Variants in DNM3 observed in about 807,000 individuals in gnomAD.
DNM3 encodes dynamin-3.
A neutral mutation model predicts 101.6 loss-of-function variants in DNM3; 47 were observed. That is an observed-to-expected ratio of 0.46 (90% CI 0.37 to 0.59). The LOEUF (loss-of-function observed/expected upper bound fraction) is 0.59, where lower values mean the gene tolerates loss of function less well. Among genes scored for constraint, DNM3 ranks in the 20% least tolerant of loss-of-function variants. The pLI, the probability that DNM3 is intolerant of heterozygous loss-of-function variation, is 0.00. For missense variants in DNM3, 849 were observed against 1,085.7 expected (o/e 0.78, Z 3.06); for synonymous variants, 385 against 387.9 (o/e 0.99, Z 0.09).
chr1:172,330,699 A>G (rs2148932332), intron 17 of DNM3, among the ~76,000 whole-genome samples: 1 of 152,316 alleles, frequency 6.6e-6, no homozygotes, highest in Admixed American at 6.5e-5. Flanking sequence ...TACACAAAAA[A>G]ATGAAGAGGA....
chr1:172,207,462 A>C (rs2060363192), intron 14 of DNM3, among the ~76,000 whole-genome samples: 1 of 152,000 alleles, frequency 6.6e-6, no homozygotes, highest in Non-Finnish European at 1.5e-5. Context: ...TTTATTTCTT[A>C]TTTTTGTTCT....
intron 2 of DNM3, among the ~76,000 whole-genome samples, chr1:171,942,291 T>C (rs1421017173): frequency 6.7e-6 from 1 of 149,794 alleles, no homozygotes. Context: ...CTCTCTGAGA[T>C]ACTGGCACAG....
intron 11 of DNM3, among the ~76,000 whole-genome samples, chr1:172,070,387 A>G (rs1287241310): frequency 2.6e-5 from 4 of 152,244 alleles, no homozygotes; most frequent in African/African-American, 9.6e-5. Context: ...CCTGACCTTA[A>G]GTAAATAAGC....
chr1:171,967,661 A>G (rs2125531499), intron 2 of DNM3, among the ~76,000 whole-genome samples: 1 of 152,344 alleles, frequency 6.6e-6, no homozygotes, highest in South Asian at 2.1e-4. Context: ...GGGAATCGTC[A>G]CCAAGTCACT....
chr1:171,959,539 A>G (rs1480108393), intron 2 of DNM3, among the ~76,000 whole-genome samples: 1 of 152,196 alleles, frequency 6.6e-6, no homozygotes, highest in Non-Finnish European at 1.5e-5. Flanking sequence ...GCAGATTTGT[A>G]AGTCATAAAT....
At position 172,103,867 on chromosome 1, in the gene DNM3, G is replaced by C. The variant is rs185510138; in HGVS notation, c.1545+10992G>C. 3.2e-4 allele frequency among the ~76,000 whole-genome samples: 49 copies of C among 152,274 alleles called. No individual in the cohort carries two copies. In the East Asian group the frequency reaches 8.9e-3, roughly 28 times the overall value. On this transcript the variant is annotated intron_variant, in intron 13 of 20. Coordinates refer to ENST00000627582, the MANE Select transcript of DNM3 (RefSeq NM_015569.5). ...AATACAAAAATTAGCTGGGCGTGGT[G>C]GTGCATGCCTGTAATTTCAGCTACT...
At chr1:172,292,486 AAAATAGAAC>A (rs923852986) in intron 15 of DNM3, among the ~76,000 whole-genome samples, 17 of 152,278 alleles carry the variant, frequency 1.1e-4, no homozygotes, top group African/African-American at 3.6e-4. Context: ...AAATCCTTTT[AAAATAGAAC>A]AAATGCATAG....
At chr1:172,381,427 G>C (rs975907353) in intron 18 of DNM3, among the ~76,000 whole-genome samples, 32 of 151,674 alleles carry the variant, frequency 2.1e-4, no homozygotes, top group Non-Finnish European at 4.4e-4. Context: ...TATCTAGAAT[G>C]ACTGCTTTTC....
rs551030808 is a variant in DNM3 at position 171,935,769 on chromosome 1, C to CTTTTTTTTT, written c.235+13967_235+13975dup. ...AATTGGCAAATACTACAAATCAAAA[C>CTTTTTTTTT]TTTTTTTTTTTTTTTTTTTTTTTTT... On this transcript the variant is annotated intron_variant, in intron 2 of 20. Transcript: ENST00000627582. Among the ~76,000 whole-genome samples the CTTTTTTTTT allele has an allele frequency of 1.5e-4, 7 of 48,018 alleles. 1 individual carries two copies. Among genetic ancestry groups the CTTTTTTTTT allele is most frequent in the Non-Finnish European group, 1.9e-4 (5 of 25,742 alleles). 31.5% of individuals were successfully genotyped at this position (48,018 alleles called of 152,430 possible). A position where few individuals can be genotyped will look rare whatever the true frequency, so the allele number is the denominator to read the frequency against.
chr1:172,129,372 T>G (rs763714832), intron 13 of DNM3, among the ~76,000 whole-genome samples: 20 of 152,180 alleles, frequency 1.3e-4, no homozygotes, highest in Admixed American at 2.6e-4. Flanking sequence ...TCATTTGGAA[T>G]GGTAGGTGGC....
At chr1:172,139,575 T>C (rs2057453042) in intron 14 of DNM3, 1 of 152,344 alleles carries the variant, frequency 6.6e-6, no homozygotes, top group Non-Finnish European at 1.5e-5. Flanking sequence ...GGATGTGAAA[T>C]CAAATTAAAG....
chr1:171,841,879 GA>G, intron 1 of DNM3, 62 bp downstream of exon 1: 1 of 1,484,576 alleles, frequency 6.7e-7, no homozygotes, highest in Non-Finnish European at 9.0e-7. Flanking sequence ...CGGGCCGTTG[GA>G]ACGTGGACGG....
At position 172,304,222 on chromosome 1, in the gene DNM3, A is replaced by AAAAAAAAAAAAAC. The variant is rs745651671; in HGVS notation, c.1770-4506_1770-4505insAAAAAAAAAAAAC. Among the ~76,000 whole-genome samples, 7 of 129,002 alleles carry AAAAAAAAAAAAAC rather than the reference A, an allele frequency of 5.4e-5. 1 individual carries two copies. The highest frequency in any genetic ancestry group is 1.4e-4 in the African/African-American group (4 of 28,646). 84.6% of individuals were successfully genotyped at this position (129,002 alleles called of 152,430 possible). On this transcript the variant is annotated intron_variant, in intron 15 of 20. Coordinates refer to ENST00000627582, the MANE Select transcript of DNM3 (RefSeq NM_015569.5). ...AAAGGAAAGCAAAAAAAAAAAAAAA[A>AAAAAAAAAAAAAC]CAGGAGTTGCAATCCTAGTCTCTGA...
intron 12 of DNM3, among the ~76,000 whole-genome samples, chr1:172,085,354 C>T (rs1391120838): frequency 6.6e-6 from 1 of 152,020 alleles, no homozygotes; most frequent in Non-Finnish European, 1.5e-5. Context: ...CACTTCCCCT[C>T]GTCCTCAGTA....
chr1:171,919,008 A>G (rs2039943736), intron 1 of DNM3, among the ~76,000 whole-genome samples: 1 of 152,032 alleles, frequency 6.6e-6, no homozygotes, highest in Non-Finnish European at 1.5e-5. Flanking sequence ...TTTTTCTTGA[A>G]GAAAATATTT....
At chr1:171,961,178 T>C (rs1320143627) in intron 2 of DNM3, among the ~76,000 whole-genome samples, 2 of 151,944 alleles carry the variant, frequency 1.3e-5, no homozygotes, top group African/African-American at 2.4e-5. Flanking sequence ...ATGGATGCGA[T>C]GGAGGGATGT....
intron 11 of DNM3, among the ~76,000 whole-genome samples, chr1:172,075,941 A>G (rs1398772451): frequency 6.6e-6 from 1 of 152,218 alleles, no homozygotes; most frequent in Non-Finnish European, 1.5e-5. Flanking sequence ...CTTCCTATCC[A>G]TGAGCAAGGG....
intron 14 of DNM3, among the ~76,000 whole-genome samples, chr1:172,163,081 T>A (rs1236782155): frequency 6.6e-6 from 1 of 151,864 alleles, no homozygotes; most frequent in Non-Finnish European, 1.5e-5. Flanking sequence ...TACAATGTGA[T>A]GTTTTGATAT....
chr1:172,404,004 T>G (rs1427060080), intron 20 of DNM3, among the ~76,000 whole-genome samples: 1 of 152,162 alleles, frequency 6.6e-6, no homozygotes, highest in African/African-American at 2.4e-5. Flanking sequence ...TAGCATTGCA[T>G]ATTAAGAAAA....
Sources: gnomAD v4.1 joint callset for allele counts (sites outside exome capture counted in the v4.1 genomes callset) on GRCh38, gnomAD v4.1.1 for gene constraint, MANE v1.5 for transcripts, NCBI Gene and HGNC (gene_info 2026-07-23, HGNC 2026-07-21) for gene names.